Variants in STAB2 observed in about 807,000 individuals in gnomAD.
STAB2 encodes the protein stabilin 2, also known as stabilin-2.
STAB2 carries 288 observed loss-of-function variants against 338.1 expected under a neutral mutation model. The ratio of observed to expected loss-of-function variants is 0.85; its 90% CI spans 0.77 to 0.94. The LOEUF (loss-of-function observed/expected upper bound fraction) is 0.94, where lower values mean the gene tolerates loss of function less well. Ranked by LOEUF, STAB2 falls within the 40% of genes least tolerant of loss-of-function variation. STAB2 has a pLI of 0.00. For missense variants in STAB2, 3,141 were observed against 3,210.1 expected, an observed-to-expected ratio of 0.98 and a Z score of 0.52; for synonymous variants, 1,202 against 1,193.3, an observed-to-expected ratio of 1.01 and a Z score of -0.15.
chr12:103,749,578 C>A (rs946667804), intron 59 of STAB2, among the ~76,000 whole-genome samples: 8 of 151,704 alleles, frequency 5.3e-5, no homozygotes, highest in Admixed American at 2.6e-4. Flanking sequence ...GCCTGTAATC[C>A]CAGTACTTTG....
At chr12:103,708,595 C>T in intron 39 of STAB2, 59 bp downstream of exon 39, 2 of 1,494,126 alleles carry the variant, frequency 1.3e-6, no homozygotes, top group South Asian at 2.4e-5. Flanking sequence ...TCAGCAGCTA[C>T]ATTTTTCTTT....
intron 25 of STAB2, 70 bp downstream of exon 25, chr12:103,677,681 AC>A: frequency 6.5e-7 from 1 of 1,542,228 alleles, no homozygotes; most frequent in Non-Finnish European, 8.8e-7. Flanking sequence ...CCCTCAGGAC[AC>A]AGAAGTACTT....
intron 3 of STAB2, among the ~76,000 whole-genome samples, chr12:103,609,250 G>A (rs1177898749): frequency 6.6e-6 from 1 of 152,168 alleles, no homozygotes; most frequent in African/African-American, 2.4e-5. Context: ...TGATGGGGAT[G>A]GCATTGAATC....
intron 33 of STAB2, among the ~76,000 whole-genome samples, chr12:103,698,140 C>T (rs1878559854): frequency 6.6e-6 from 1 of 152,168 alleles, no homozygotes; most frequent in Non-Finnish European, 1.5e-5. Flanking sequence ...CCCCTCCAGC[C>T]CTCTGACTGT....
At chr12:103,638,712 G>A (rs1337969875) in intron 8 of STAB2, among the ~76,000 whole-genome samples, 1 of 152,164 alleles carries the variant, frequency 6.6e-6, no homozygotes, top group African/African-American at 2.4e-5. Flanking sequence ...AATGACATCA[G>A]GACCTTGACT....
chr12:103,690,282 C>A, intron 29 of STAB2, 142 bp from the exon 30 acceptor site: 1 of 775,824 alleles, frequency 1.3e-6, no homozygotes, highest in Admixed American at 3.1e-5. Flanking sequence ...GAGTAACTAA[C>A]TCTAGCCAAG....
At position 103,717,770 on chromosome 12, in the gene STAB2, G is replaced by C. The variant is rs199885310; in HGVS notation, c.4612G>C (p.Ala1538Pro). The change falls in exon 44 of 69, where the codon GCT (alanine) becomes CCT (proline). Residue 1538 changes from alanine to proline, a missense_variant and splice_region_variant. Ala to Pro is a conservative substitution (Grantham distance 27, BLOSUM62 -1). Coordinates refer to ENST00000388887, the MANE Select transcript of STAB2 (RefSeq NM_017564.10). ...CCCATGTGCTTCTACTCCTGGACAG[G>C]CTGCCTGTAACTGTTTGCCAGCATA... Reference protein sequence around the residue: ...AECTQTGPNQAACNCLPAYTG... With the variant: ...AECTQTGPNQPACNCLPAYTG... The C allele has an allele frequency of 1.9e-6, 3 of 1,614,128 alleles. No individual in the cohort carries two copies. Among genetic ancestry groups the C allele is most frequent in the Non-Finnish European group, 2.5e-6 (3 of 1,179,998 alleles).
Position 103,766,631 on chromosome 12 carries a change from T to C in STAB2, c.*295T>C, listed in dbSNP as rs1301441995. 2.8e-5 allele frequency: 10 copies of C among 354,482 alleles called. No homozygotes were observed. In the South Asian group the frequency reaches 3.6e-4, roughly 13 times the overall value. The allele number at this position is 354,482 out of a possible 1,614,324, so 22.0% of individuals were successfully genotyped here. ...ACTGTGATCTTTCTTCCCTGTTAGA[T>C]TGTAAGCCTCCGTCTTTGTATCCCA... On this transcript the variant is annotated 3_prime_UTR_variant, in exon 69 of 69. Coordinates refer to ENST00000388887, the MANE Select transcript of STAB2 (RefSeq NM_017564.10).
intron 5 of STAB2, among the ~76,000 whole-genome samples, chr12:103,630,821 C>G (rs994555799): frequency 6.6e-6 from 1 of 152,194 alleles, no homozygotes; most frequent in Non-Finnish European, 1.5e-5. Flanking sequence ...CCAACTGAAA[C>G]ATCAATTTTA....
chr12:103,712,793 A>C (rs1566038779), intron 41 of STAB2, among the ~76,000 whole-genome samples: 1 of 152,234 alleles, frequency 6.6e-6, no homozygotes, highest in East Asian at 1.9e-4. Context: ...ATTAAAAAAG[A>C]ATTTAACTCA....
intron 5 of STAB2, among the ~76,000 whole-genome samples, chr12:103,624,778 A>T (rs2138644654): frequency 6.6e-6 from 1 of 152,178 alleles, no homozygotes; most frequent in African/African-American, 2.4e-5. Context: ...TCTCTACTAA[A>T]AATACAAAAA....
chr12:103,750,518 T>C (rs1883534503), intron 59 of STAB2, 61 bp from the exon 60 acceptor site: 2 of 1,595,974 alleles, frequency 1.3e-6, no homozygotes, highest in East Asian at 2.2e-5. Context: ...CCATGGGCAC[T>C]TGGGCATCCT....
chr12:103,711,288 A>C, intron 39 of STAB2, 183 bp from the exon 40 acceptor site: 1 of 684,792 alleles, frequency 1.5e-6, no homozygotes, highest in Non-Finnish European at 2.5e-6. Context: ...TTTGACCTTC[A>C]GATTTGGCTT....
At chr12:103,618,111 C>T (rs970915018) in intron 3 of STAB2, among the ~76,000 whole-genome samples, 1 of 152,178 alleles carries the variant, frequency 6.6e-6, no homozygotes, top group Non-Finnish European at 1.5e-5. Context: ...TCTCTTTCTT[C>T]AAGAACTGCT....
At chr12:103,680,148 T>C (rs1429621556) in intron 25 of STAB2, among the ~76,000 whole-genome samples, 1 of 152,200 alleles carries the variant, frequency 6.6e-6, no homozygotes, top group Non-Finnish European at 1.5e-5. Context: ...GAGGAGTTAT[T>C]GTGTAACGGG....
intron 44 of STAB2, among the ~76,000 whole-genome samples, chr12:103,718,435 G>A (rs1202221564): frequency 6.6e-6 from 1 of 152,116 alleles, no homozygotes; most frequent in Non-Finnish European, 1.5e-5. Context: ...CATTGAGCAG[G>A]GGTTCATATG....
intron 39 of STAB2, among the ~76,000 whole-genome samples, chr12:103,710,355 T>A (rs1027437959): frequency 2.0e-5 from 3 of 152,116 alleles, no homozygotes; most frequent in African/African-American, 7.2e-5. Context: ...AATAAATGTT[T>A]AGTAAAAGGA....
At chr12:103,684,870 C>A in intron 26 of STAB2, 119 bp from the exon 27 acceptor site, 1 of 845,652 alleles carries the variant, frequency 1.2e-6, no homozygotes, top group Non-Finnish European at 1.9e-6. Flanking sequence ...GTTACTTCTA[C>A]CATCTTTCAG....
intron 5 of STAB2, among the ~76,000 whole-genome samples, chr12:103,623,893 C>A (rs1197558983): frequency 6.6e-6 from 1 of 152,136 alleles, no homozygotes; most frequent in Non-Finnish European, 1.5e-5. Context: ...AGCTGTGGAT[C>A]CTGGAAGTTA....
Sources: allele counts gnomAD v4.1 joint callset (sites outside exome capture counted in the v4.1 genomes callset), GRCh38; gene constraint gnomAD v4.1.1; transcripts MANE v1.5; gene names NCBI Gene and HGNC (gene_info 2026-07-23, HGNC 2026-07-21).